FBXW7: variants seen among roughly 807,000 people sequenced by gnomAD.
FBXW7 encodes F-box/WD repeat-containing protein 7.
FBXW7 carries 11 observed loss-of-function variants against 86.3 expected under a neutral mutation model. The ratio of observed to expected loss-of-function variants is 0.13; its 90% CI spans 0.08 to 0.21. FBXW7 has a LOEUF of 0.21. Ranked by LOEUF, FBXW7 falls within the 10% of genes least tolerant of loss-of-function variation. The pLI is 1.00. For synonymous variants in FBXW7, 313 were observed against 297.9 expected, an observed-to-expected ratio of 1.05 and a Z score of -0.52; for missense variants, 488 against 847.4, an observed-to-expected ratio of 0.58 and a Z score of 5.27.
chr4:152,406,126 T>A (rs1737401557), intron 4 of FBXW7, among the ~76,000 whole-genome samples: 1 of 152,208 alleles, frequency 6.6e-6, no homozygotes, highest in African/African-American at 2.4e-5. Context: ...AATACACATA[T>A]GAAACAATTT....
chr4:152,389,441 G>A (rs1215771546), intron 4 of FBXW7, among the ~76,000 whole-genome samples: 1 of 151,980 alleles, frequency 6.6e-6, no homozygotes, highest in Admixed American at 6.6e-5. Context: ...CTATAAAAAA[G>A]AATGAAATGT....
intron 4 of FBXW7, among the ~76,000 whole-genome samples, chr4:152,375,506 T>C (rs1287243695): frequency 6.6e-6 from 1 of 152,022 alleles, no homozygotes; most frequent in Admixed American, 6.6e-5. Flanking sequence ...CTATGGCAAA[T>C]ATTATCTCCT....
rs1237327125 is a variant in FBXW7, at chr4:152,322,936, T to C, written c.2069A>G (p.Asn690Ser). ...CAGCAGCTTGGTTTCTTCAGTCCCA[T>C]TCCGACTCCCAACTGCACACACCAG... ...TKLVCAVGSR[N>S]GTEETKLLVL... is the part of the protein sequence containing the mutation. The change falls in exon 14 of 14, where the codon AAT (asparagine) becomes AGT (serine). Residue 690 changes from asparagine to serine, a missense_variant. Around this residue, in one of 4 missense-constraint regions of FBXW7, gnomAD observed 142 missense variants for 406.6 expected, o/e 0.35. Coordinates refer to ENST00000281708, the MANE Select transcript of FBXW7 (RefSeq NM_001349798.2). 1 of 1,613,656 alleles carries C rather than the reference T, an allele frequency of 6.2e-7. No individual in the cohort carries two copies. The highest frequency in any genetic ancestry group is 1.3e-5 in the African/African-American group (1 of 74,860).
chr4:152,516,685 CAAGAT>C (rs1179249415), intron 2 of FBXW7, among the ~76,000 whole-genome samples: 6 of 152,188 alleles, frequency 3.9e-5, no homozygotes, highest in Non-Finnish European at 7.3e-5. Flanking sequence ...CACAAGTCAG[CAAGAT>C]AAGCGGTAAT....
At chr4:152,369,866 GC>G (rs1733852217) in intron 4 of FBXW7, among the ~76,000 whole-genome samples, 1 of 151,644 alleles carries the variant, frequency 6.6e-6, no homozygotes, top group Non-Finnish European at 1.5e-5. Flanking sequence ...ATAAATCAGG[GC>G]CAAGAGCTTT....
chr4:152,446,692 ATCTT>A (rs1352224883), intron 2 of FBXW7, among the ~76,000 whole-genome samples: 21 of 152,156 alleles, frequency 1.4e-4, no homozygotes, highest in African/African-American at 4.6e-4. Flanking sequence ...AATCATAGTT[ATCTT>A]TCTAACTTTT....
At chr4:152,351,753 T>C (rs1731837797) in intron 4 of FBXW7, among the ~76,000 whole-genome samples, 1 of 152,144 alleles carries the variant, frequency 6.6e-6, no homozygotes, top group Non-Finnish European at 1.5e-5. Context: ...TTTGTAATAC[T>C]GGCTTTCAGA....
In FBXW7 at chr4:152,411,876, CA is replaced by C. The variant is rs1386875754; in HGVS notation, c.-69-5del. ...AAGATGCAAAGGTTTTCACATTCTG[CA>C]GGGGAAAATAGGGTAAAAAACAAGA... On this transcript the variant is annotated splice_polypyrimidine_tract_variant and splice_region_variant and intron_variant, in intron 3 of 13. Coordinates refer to ENST00000281708, the MANE Select transcript of FBXW7 (RefSeq NM_001349798.2). The C allele has an allele frequency of 6.8e-7, 1 of 1,471,112 alleles. No individual in the cohort carries two copies. Among genetic ancestry groups the C allele is most frequent in the Non-Finnish European group, 9.0e-7 (1 of 1,111,290 alleles). 91.1% of individuals were successfully genotyped at this position (1,471,112 alleles called of 1,614,324 possible).
intron 2 of FBXW7, among the ~76,000 whole-genome samples, chr4:152,438,288 G>A (rs1311304107): frequency 6.6e-6 from 1 of 152,182 alleles, no homozygotes. Context: ...TATATGCACT[G>A]GGGAAACAAT....
At chr4:152,502,877 A>C (rs2149702768) in intron 2 of FBXW7, among the ~76,000 whole-genome samples, 1 of 152,344 alleles carries the variant, frequency 6.6e-6, no homozygotes, top group East Asian at 1.9e-4. Context: ...ATTTTATAAG[A>C]ACTTTCTGCT....
chr4:152,382,462 C>T, intron 4 of FBXW7: 2 of 1,223,066 alleles, frequency 1.6e-6, no homozygotes, highest in Non-Finnish European at 2.0e-6. Flanking sequence ...GAACCCAAGG[C>T]CTGCTGCTTT....
chr4:152,458,253 C>T (rs1385465351), intron 2 of FBXW7, among the ~76,000 whole-genome samples: 2 of 152,092 alleles, frequency 1.3e-5, no homozygotes, highest in Admixed American at 6.5e-5. Flanking sequence ...CTCCCGACCT[C>T]GTGATCCGCC....
intron 4 of FBXW7, among the ~76,000 whole-genome samples, chr4:152,399,498 G>A (rs1455148104): frequency 6.6e-6 from 1 of 152,064 alleles, no homozygotes; most frequent in Non-Finnish European, 1.5e-5. Flanking sequence ...GGAAGTAAAA[G>A]ATAAAGAGAT....
chr4:152,530,116 C>T (rs1355875628), intron 2 of FBXW7, among the ~76,000 whole-genome samples: 5 of 146,490 alleles, frequency 3.4e-5, no homozygotes, highest in Admixed American at 1.4e-4. Context: ...TATATATATA[C>T]GTGTACATAT....
chr4:152,534,309 A>AT (rs1187589946), intron 2 of FBXW7, among the ~76,000 whole-genome samples: 1 of 151,984 alleles, frequency 6.6e-6, no homozygotes, highest in East Asian at 1.9e-4. Context: ...TTATAAAATG[A>AT]TTAATGTGAT....
At chr4:152,493,214 G>T (rs931429686) in intron 2 of FBXW7, among the ~76,000 whole-genome samples, 1 of 151,966 alleles carries the variant, frequency 6.6e-6, no homozygotes, top group Admixed American at 6.6e-5. Flanking sequence ...GCCCAGGCTG[G>T]AGTGCAGTGG....
At chr4:152,372,958 C>T (rs1734131664) in intron 4 of FBXW7, among the ~76,000 whole-genome samples, 2 of 151,876 alleles carry the variant, frequency 1.3e-5, no homozygotes, top group Admixed American at 6.6e-5. Flanking sequence ...ATACAGAAGG[C>T]AGTATTATCA....
intron 4 of FBXW7, among the ~76,000 whole-genome samples, chr4:152,380,101 A>ATGT (rs1734920249): frequency 6.6e-6 from 1 of 152,192 alleles, no homozygotes; most frequent in Non-Finnish European, 1.5e-5. Flanking sequence ...CTTAGAAGGA[A>ATGT]AAAAGTGGTC....
intron 4 of FBXW7, among the ~76,000 whole-genome samples, chr4:152,398,572 C>T (rs1245090705): frequency 6.6e-6 from 1 of 151,874 alleles, no homozygotes; most frequent in Non-Finnish European, 1.5e-5. Context: ...CTAGACAATA[C>T]TGAATCTAAG....
Sources: allele counts gnomAD v4.1 joint callset (sites outside exome capture counted in the v4.1 genomes callset), GRCh38; gene constraint gnomAD v4.1.1; regional missense constraint gnomAD v4.1.1; transcripts MANE v1.5; gene names NCBI Gene and HGNC (gene_info 2026-07-23, HGNC 2026-07-21).